The following SLCO3A1 variants were observed in gnomAD, a reference collection of about 807,000 sequenced individuals.
The protein encoded by SLCO3A1 is solute carrier organic anion transporter family member 3A1.
Under a neutral mutation model 63.1 loss-of-function variants are expected in SLCO3A1, and 27 were observed. The observed-to-expected ratio is 0.43, with a 90% confidence interval of 0.32 to 0.59. SLCO3A1 has a LOEUF of 0.59. Among genes scored for constraint, SLCO3A1 ranks in the 20% least tolerant of loss-of-function variants. SLCO3A1 has a pLI of 0.09. For synonymous variants in SLCO3A1, 473 were observed against 409.9 expected, an observed-to-expected ratio of 1.15 and a Z score of -1.86; for missense variants, 773 against 945.8, an observed-to-expected ratio of 0.82 and a Z score of 2.40.
chr15:91,924,388 A>G (rs181571227), intron 2 of SLCO3A1, among the ~76,000 whole-genome samples: 17 of 152,274 alleles, frequency 1.1e-4, no homozygotes, highest in African/African-American at 3.9e-4. Context: ...GCGAGTCAGC[A>G]TTGGTTAGCA....
At chr15:92,119,080 G>A (rs2151559559) in intron 4 of SLCO3A1, among the ~76,000 whole-genome samples, 1 of 151,618 alleles carries the variant, frequency 6.6e-6, no homozygotes, top group Admixed American at 6.6e-5. Context: ...TTAAAATCAT[G>A]GCACAAATAT....
At position 92,127,906 on chromosome 15, in the gene SLCO3A1, A is replaced by G. The variant is rs551354032; in HGVS notation, c.1374-445A>G. 8.5e-5 allele frequency among the ~76,000 whole-genome samples: 13 copies of G among 152,312 alleles called. 1 individual carries two copies. In the East Asian group the frequency reaches 2.3e-3, roughly 27 times the overall value. On this transcript the variant is annotated intron_variant, in intron 6 of 9. Transcript: ENST00000318445. ...CAAAGAGGGAAGAAGTTAAATCCTC[A>G]GTGGTGCAGGCATAGCAGTGTTCAG...
At chr15:92,148,208 T>A (rs908319116) in intron 8 of SLCO3A1, among the ~76,000 whole-genome samples, 5 of 152,180 alleles carry the variant, frequency 3.3e-5, no homozygotes, top group African/African-American at 1.2e-4. Flanking sequence ...CAAGACTCTG[T>A]CTCAGAGGGG....
At chr15:92,071,485 A>G (rs1200743548) in intron 2 of SLCO3A1, among the ~76,000 whole-genome samples, 2 of 152,228 alleles carry the variant, frequency 1.3e-5, no homozygotes, top group Admixed American at 6.5e-5. Context: ...TAAAAAATAT[A>G]TGTTCAGGGG....
intron 2 of SLCO3A1, among the ~76,000 whole-genome samples, chr15:91,919,246 T>G (rs773130372): frequency 1.3e-5 from 2 of 152,238 alleles, no homozygotes; most frequent in Non-Finnish European, 2.9e-5. Context: ...CTGAAATGAC[T>G]TACTTGCTTT....
chr15:91,963,777 T>G (rs891817674), intron 2 of SLCO3A1, among the ~76,000 whole-genome samples: 1 of 152,084 alleles, frequency 6.6e-6, no homozygotes, highest in South Asian at 2.1e-4. Context: ...CAGTGAGTAT[T>G]ACAGATCATA....
In SLCO3A1 at chr15:92,162,940, G is replaced by A; in HGVS notation, c.1938G>A (p.Gln646=). The stretch of plus-strand genomic sequence containing the variant: ...TCATCCTGTACACCACCACGTGGCA[G>A]TGCCTGAGGAAAAACTATAAACGCT... The part of the protein sequence containing the change: ...FAFILYTTTW[Q]CLRKNYKRYI... The change falls in exon 10 of 10, where the codon CAG becomes CAA. Residue 646 remains glutamine, a synonymous_variant. Coordinates refer to ENST00000318445, the MANE Select transcript of SLCO3A1 (RefSeq NM_013272.4). The A allele has an allele frequency of 1.9e-6, 3 of 1,614,186 alleles. No homozygotes were observed. The highest frequency in any genetic ancestry group is 1.7e-6 in the Non-Finnish European group (2 of 1,180,032).
chr15:91,951,662 T>C (rs1900005152), intron 2 of SLCO3A1, among the ~76,000 whole-genome samples: 1 of 151,740 alleles, frequency 6.6e-6, no homozygotes, highest in Non-Finnish European at 1.5e-5. Flanking sequence ...TTCAAGCAAT[T>C]CTCCTACCTC....
intron 2 of SLCO3A1, among the ~76,000 whole-genome samples, chr15:91,987,614 G>A (rs1033578937): frequency 1.3e-5 from 2 of 151,918 alleles, no homozygotes; most frequent in Non-Finnish European, 2.9e-5. Context: ...GTGGTGGCGG[G>A]CACCTGTAAC....
intron 2 of SLCO3A1, among the ~76,000 whole-genome samples, chr15:92,014,862 T>G (rs1597221388): frequency 6.7e-6 from 1 of 149,612 alleles, no homozygotes; most frequent in African/African-American, 2.5e-5. Context: ...TTGAGGGAGG[T>G]GGAGGAGGAG....
chr15:92,063,079 G>A (rs1273125038), intron 2 of SLCO3A1, among the ~76,000 whole-genome samples: 1 of 152,206 alleles, frequency 6.6e-6, no homozygotes, highest in Non-Finnish European at 1.5e-5. Context: ...ACGCCTTAAG[G>A]TTAGCTCAGG....
At chr15:92,017,951 G>A (rs895401589) in intron 2 of SLCO3A1, among the ~76,000 whole-genome samples, 2 of 152,156 alleles carry the variant, frequency 1.3e-5, no homozygotes, top group African/African-American at 4.8e-5. Context: ...TTGGAGGTTT[G>A]GAGAGGTCGG....
rs1900731974 is a variant in SLCO3A1 at position 91,968,291 on chromosome 15, A to G, written c.646+51833A>G. Among the ~76,000 whole-genome samples the G allele has an allele frequency of 6.6e-6, 1 of 152,098 alleles. No homozygotes were observed. Among genetic ancestry groups the G allele is most frequent in the Admixed American group, 6.5e-5 (1 of 15,270 alleles). ...ACCTGGGGAAAACAGCAGATGGAGGAGAGGAAAGAGAAGTTTAGCTGGCAT... is the reference window on the plus strand; with the variant it reads ...ACCTGGGGAAAACAGCAGATGGAGGGGAGGAAAGAGAAGTTTAGCTGGCAT... On this transcript the variant is annotated intron_variant, in intron 2 of 9. Coordinates refer to ENST00000318445, the MANE Select transcript of SLCO3A1 (RefSeq NM_013272.4). This position sits in a 1 kb window ranked among gnomAD's most constrained non-coding sequence, Gnocchi z 4.2.
intron 2 of SLCO3A1, among the ~76,000 whole-genome samples, chr15:92,075,471 A>G (rs953671136): frequency 5.3e-5 from 8 of 152,182 alleles, no homozygotes; most frequent in Non-Finnish European, 1.2e-4. Flanking sequence ...CGGAGGTTGC[A>G]TGGGCATTTG....
At position 91,967,757 on chromosome 15, in the gene SLCO3A1, C is replaced by G. The variant is rs1900711539; in HGVS notation, c.646+51299C>G. Among the ~76,000 whole-genome samples the G allele has an allele frequency of 6.6e-6, 1 of 152,178 alleles. No individual in the cohort carries two copies. The highest frequency in any genetic ancestry group is 2.1e-4 in the South Asian group (1 of 4,830). On this transcript the variant is annotated intron_variant, in intron 2 of 9. Transcript: ENST00000318445. The surrounding 1 kb of genome is among the most constrained non-coding windows in gnomAD (Gnocchi z 4.4). ...GCACAGTTTTTGGCTGTGTTGTTTT[C>G]AAACAGCCTACTTTTGGGGAACCAC...
At chr15:91,909,911 C>A (rs1161778206) in intron 1 of SLCO3A1, among the ~76,000 whole-genome samples, 1 of 152,220 alleles carries the variant, frequency 6.6e-6, no homozygotes, top group Non-Finnish European at 1.5e-5. Flanking sequence ...CCTCTCTCCC[C>A]AGCACTGTGG....
Position 91,860,330 on chromosome 15 carries a change from T to C in SLCO3A1, c.180+6242T>C, listed in dbSNP as rs73547365. ...TTGCTATTTCCCAGCTCCTGGCAAC[T>C]TCACTTACTCGAGCCTCAATAGCCT... is the stretch of plus-strand genomic sequence containing the variant. On this transcript the variant is annotated intron_variant, in intron 1 of 9. Coordinates refer to ENST00000318445, the MANE Select transcript of SLCO3A1 (RefSeq NM_013272.4). This position sits in a 1 kb window ranked among gnomAD's most constrained non-coding sequence, Gnocchi z 5.5. Among the ~76,000 whole-genome samples, 845 of 152,334 alleles carry C rather than the reference T, an allele frequency of 5.5e-3. 5 individuals carry two copies. The highest frequency in any genetic ancestry group is 0.019 in the African/African-American group (774 of 41,568).
chr15:91,854,119 C>A lies in SLCO3A1; in HGVS notation c.180+31C>A. 6.9e-7 allele frequency: 1 copy of A among 1,439,052 alleles called. No homozygotes were observed. The highest frequency in any genetic ancestry group is 9.2e-7 in the Non-Finnish European group (1 of 1,086,302). 89.1% of individuals were successfully genotyped at this position (1,439,052 alleles called of 1,614,324 possible). Reference sequence around the variant, plus strand: ...TCCCCGAGCCAACTCCGCCGCGGGCCCCTTCCCCAGCCCGGCTCTCGAGCG... The same window carrying A: ...TCCCCGAGCCAACTCCGCCGCGGGCACCTTCCCCAGCCCGGCTCTCGAGCG... On this transcript the variant is annotated intron_variant, in intron 1 of 9. Coordinates refer to ENST00000318445, the MANE Select transcript of SLCO3A1 (RefSeq NM_013272.4). This position sits in a 1 kb window ranked among gnomAD's most constrained non-coding sequence, Gnocchi z 6.4.
chr15:91,947,176 C>T (rs1189718534), intron 2 of SLCO3A1, among the ~76,000 whole-genome samples: 1 of 152,216 alleles, frequency 6.6e-6, no homozygotes, highest in Non-Finnish European at 1.5e-5. Context: ...TTGAAATATC[C>T]ATGCTTGCCC....
Sources: gnomAD v4.1 joint callset for allele counts (sites outside exome capture counted in the v4.1 genomes callset) on GRCh38, gnomAD v4.1.1 for gene constraint, Gnocchi (gnomAD v3.1) non-coding constraint, MANE v1.5 for transcripts, NCBI Gene and HGNC (gene_info 2026-07-23, HGNC 2026-07-21) for gene names.